The following ST6GALNAC3 variants were observed in gnomAD, a reference collection of about 807,000 sequenced individuals.
The protein encoded by ST6GALNAC3 is alpha-N-acetylgalactosaminide alpha-2,6-sialyltransferase 3.
A neutral mutation model predicts 32.7 loss-of-function variants in ST6GALNAC3; 25 were observed. That is an observed-to-expected ratio of 0.76 (90% CI 0.56 to 1.07). The LOEUF (loss-of-function observed/expected upper bound fraction) is 1.07. Among genes scored for constraint, ST6GALNAC3 ranks in the 50% least tolerant of loss-of-function variants. ST6GALNAC3 has a pLI of 0.00. For synonymous variants in ST6GALNAC3, 129 were observed against 133.1 expected (o/e 0.97, Z 0.21); for missense variants, 355 against 382.4 (o/e 0.93, Z 0.60).
At position 76,588,575 on chromosome 1, in the gene ST6GALNAC3, C is replaced by T. The variant is rs72991864; in HGVS notation, c.624-38877C>T. Among the ~76,000 whole-genome samples the T allele has an allele frequency of 6.3e-3, 961 of 152,324 alleles. 5 individuals carry two copies. The highest frequency in any genetic ancestry group is 0.022 in the African/African-American group (910 of 41,574). ...TGTGTATCCTTAAATCCATTTCCCT[C>T]CCTTCCTCTACTCTGCTGTCAATCA... is the stretch of plus-strand genomic sequence containing the variant. On this transcript the variant is annotated intron_variant, in intron 3 of 4. Coordinates refer to ENST00000328299, the MANE Select transcript of ST6GALNAC3 (RefSeq NM_152996.4).
chr1:76,259,984 TTTC>T (rs750309851), intron 1 of ST6GALNAC3, among the ~76,000 whole-genome samples: 11 of 152,248 alleles, frequency 7.2e-5, no homozygotes, highest in South Asian at 6.2e-4. Flanking sequence ...TTAGTTTTGC[TTTC>T]TTCTTCTTCT....
At chr1:76,308,502 C>CT (rs1661203191) in intron 1 of ST6GALNAC3, among the ~76,000 whole-genome samples, 1 of 152,128 alleles carries the variant, frequency 6.6e-6, no homozygotes, top group African/African-American at 2.4e-5. Flanking sequence ...GTTGTTAAAT[C>CT]TAAAGGATGT....
rs570170148 is a variant in ST6GALNAC3 at position 76,304,871 on chromosome 1, C to T, written c.19-8934C>T. Among the ~76,000 whole-genome samples the T allele has an allele frequency of 7.2e-5, 11 of 152,050 alleles. No homozygotes were observed. In the South Asian group the frequency reaches 8.3e-4, roughly 11 times the overall value. ...CTGTGTCCTGAACACCTTGGAGGTA[C>T]GAATGGATTCTAAGAGACAAACTCA... On this transcript the variant is annotated intron_variant, in intron 1 of 4. Coordinates refer to ENST00000328299, the MANE Select transcript of ST6GALNAC3 (RefSeq NM_152996.4).
intron 3 of ST6GALNAC3, among the ~76,000 whole-genome samples, chr1:76,445,928 G>A (rs116719564): frequency 0.012 from 1,771 of 152,026 alleles, 37 homozygotes; most frequent in African/African-American, 0.041. Context: ...CTTCTGTGCC[G>A]TTTCAATTTT....
chr1:76,201,430 C>T (rs1040271009), intron 1 of ST6GALNAC3, among the ~76,000 whole-genome samples: 6 of 152,144 alleles, frequency 3.9e-5, no homozygotes, highest in South Asian at 2.1e-4. Flanking sequence ...TACCTTCCAC[C>T]GGGTTCCTCC....
At chr1:76,479,080 T>C (rs9437450) in intron 3 of ST6GALNAC3, among the ~76,000 whole-genome samples, 151,502 of 152,214 alleles carry the variant, frequency 1, 75,399 homozygotes, top group South Asian at 1. Context: ...TTTCTAAGAG[T>C]CTTCCTAGAA....
At chr1:76,337,001 A>G (rs951595908) in intron 2 of ST6GALNAC3, among the ~76,000 whole-genome samples, 2 of 152,232 alleles carry the variant, frequency 1.3e-5, no homozygotes, top group African/African-American at 4.8e-5. Flanking sequence ...GAGTGGAGAC[A>G]AGCGGGGCTG....
chr1:76,628,230 T>C (rs1246167570), intron 4 of ST6GALNAC3, among the ~76,000 whole-genome samples: 1 of 151,968 alleles, frequency 6.6e-6, no homozygotes, highest in East Asian at 1.9e-4. Context: ...ACAGTCTTCA[T>C]GAACAAATAT....
chr1:76,463,279 G>A (rs1338018101), intron 3 of ST6GALNAC3, among the ~76,000 whole-genome samples: 1 of 152,098 alleles, frequency 6.6e-6, no homozygotes, highest in Admixed American at 6.6e-5. Context: ...AAATTGCGGG[G>A]GCTACATTTA....
intron 3 of ST6GALNAC3, among the ~76,000 whole-genome samples, chr1:76,520,314 G>T (rs1012254911): frequency 6.6e-6 from 1 of 152,250 alleles, no homozygotes; most frequent in African/African-American, 2.4e-5. Context: ...ATAGGTCATA[G>T]CCTCTTGTAT....
chr1:76,548,512 CCAGGCAGGATGA>C (rs1030454678), intron 3 of ST6GALNAC3, among the ~76,000 whole-genome samples: 9 of 152,072 alleles, frequency 5.9e-5, no homozygotes, highest in African/African-American at 2.2e-4. Flanking sequence ...CTTCCATGCC[CCAGGCAGGATGA>C]CATAGCAGGA....
At position 76,487,149 on chromosome 1, in the gene ST6GALNAC3, G is replaced by A. The variant is rs186040561; in HGVS notation, c.623+74732G>A. 8.9e-4 allele frequency among the ~76,000 whole-genome samples: 135 copies of A among 152,238 alleles called. 1 individual carries two copies. The highest frequency in any genetic ancestry group is 3.2e-3 in the African/African-American group (132 of 41,538). On this transcript the variant is annotated intron_variant, in intron 3 of 4. Coordinates refer to ENST00000328299, the MANE Select transcript of ST6GALNAC3 (RefSeq NM_152996.4). ...GGTAACCCGACCTTTCTCTCTGGCT[G>A]CCCTTAACATTTTTTCCTTCATTTC...
At chr1:76,395,174 C>G (rs1652854590) in intron 2 of ST6GALNAC3, among the ~76,000 whole-genome samples, 1 of 149,270 alleles carries the variant, frequency 6.7e-6, no homozygotes, top group Non-Finnish European at 1.5e-5. Flanking sequence ...CCTTTTGGGC[C>G]TCCTTCATGA....
intron 1 of ST6GALNAC3, among the ~76,000 whole-genome samples, chr1:76,175,073 C>T (rs1652766548): frequency 6.6e-6 from 1 of 152,102 alleles, no homozygotes; most frequent in Admixed American, 6.5e-5. Context: ...TCTGATTTTT[C>T]TTTATTGTAA....
intron 1 of ST6GALNAC3, among the ~76,000 whole-genome samples, chr1:76,124,047 G>A (rs994893836): frequency 2.0e-5 from 3 of 151,946 alleles, no homozygotes; most frequent in Non-Finnish European, 1.5e-5. Context: ...CACCATGCCC[G>A]GCCTCATTTT....
intron 3 of ST6GALNAC3, among the ~76,000 whole-genome samples, chr1:76,516,996 A>G (rs537805499): frequency 6.6e-6 from 1 of 152,016 alleles, no homozygotes; most frequent in South Asian, 2.1e-4. Context: ...AAGTCCTTTT[A>G]TCATTTTCTT....
chr1:76,630,673 G>C lies in ST6GALNAC3; in HGVS notation c.*1867G>C. The stretch of plus-strand genomic sequence containing the variant: ...TTAAAGTGTGCCATCTTGGATAAAG[G>C]CCTTTTGCCTACTCTCTTCTGCAAT... On this transcript the variant is annotated 3_prime_UTR_variant, in exon 5 of 5. Transcript: ENST00000328299. 1 of 985,512 alleles carries C rather than the reference G, an allele frequency of 1.0e-6. No individual in the cohort carries two copies. Among genetic ancestry groups the C allele is most frequent in the Non-Finnish European group, 1.2e-6 (1 of 829,798 alleles). 61.0% of individuals were successfully genotyped at this position (985,512 alleles called of 1,614,324 possible).
chr1:76,517,424 C>G (rs1463278321), intron 3 of ST6GALNAC3, among the ~76,000 whole-genome samples: 1 of 151,566 alleles, frequency 6.6e-6, no homozygotes, highest in Non-Finnish European at 1.5e-5. Context: ...TTTTATCTAA[C>G]TTTTATATAG....
intron 2 of ST6GALNAC3, among the ~76,000 whole-genome samples, chr1:76,336,696 A>G (rs79389434): frequency 1.9e-3 from 282 of 152,258 alleles, no homozygotes; most frequent in African/African-American, 6.4e-3. Flanking sequence ...CCCTGGCTCA[A>G]TGCTGCTCTA....
Sources: allele counts gnomAD v4.1 joint callset (sites outside exome capture counted in the v4.1 genomes callset), GRCh38; gene constraint gnomAD v4.1.1; transcripts MANE v1.5; gene names NCBI Gene and HGNC (gene_info 2026-07-23, HGNC 2026-07-21).